LMAN1L: variants seen among roughly 807,000 people sequenced by gnomAD.
LMAN1L encodes lectin, mannose binding 1 like.
Under a neutral mutation model 58.3 loss-of-function variants are expected in LMAN1L, and 60 were observed. The observed-to-expected ratio is 1.03, with a 90% CI of 0.84 to 1.27. The LOEUF (loss-of-function observed/expected upper bound fraction) is 1.27, where lower values mean the gene tolerates loss of function less well. Among genes scored for constraint, LMAN1L ranks in the 50% most tolerant of loss-of-function variants. LMAN1L has a pLI of 0.00. For missense variants in LMAN1L, 629 were observed against 674.0 expected, an observed-to-expected ratio of 0.93 and a Z score of 0.74; for synonymous variants, 280 against 271.6, an observed-to-expected ratio of 1.03 and a Z score of -0.31.
Position 74,823,669 on chromosome 15 carries a change from T to C in LMAN1L, c.1310T>C (p.Leu437Pro). 6.2e-7 allele frequency: 1 copy of C among 1,613,486 alleles called. No individual in the cohort carries two copies. The highest frequency in any genetic ancestry group is 8.5e-7 in the Non-Finnish European group (1 of 1,179,800). ...ATCCTGGGCCTCCTGCAGGAGGAGC[T>C]TCGGGGCCCGGCGGTGAGGGGAAAG... The part of the protein sequence containing the change: ...DHILGLLQEE[L>P]RGPAKAAAKA... The change falls in exon 12 of 14, where the codon CTT becomes CCT. Residue 437 changes from leucine to proline, a missense_variant. Leu to Pro is a moderately conservative substitution (Grantham distance 98, BLOSUM62 -3). This residue lies in a region of LMAN1L where 573 missense variants were observed against 597.3 expected (regional missense o/e 0.96). Transcript: ENST00000309664.
chr15:74,816,827 TCA>T, intron 4 of LMAN1L, 137 bp downstream of exon 4: 2 of 814,644 alleles, frequency 2.5e-6, no homozygotes, highest in Non-Finnish European at 3.8e-6. Context: ...CTGGACTCTC[TCA>T]CTTAGCCGAC....
intron 12 of LMAN1L, 168 bp downstream of exon 12, chr15:74,823,850 T>C (rs1000868907): frequency 3.0e-6 from 2 of 676,944 alleles, no homozygotes; most frequent in Non-Finnish European, 4.9e-6. Flanking sequence ...TGTCCGTGCA[T>C]ACGTGCCACC....
intron 10 of LMAN1L, 118 bp from the exon 11 acceptor site, chr15:74,822,524 G>T (rs139664978): frequency 3.2e-4 from 234 of 732,716 alleles, no homozygotes; most frequent in African/African-American, 3.1e-3. Context: ...AAATAAGGAG[G>T]CCCTGGTAAT....
chr15:74,816,592 G>T (rs751919690), intron 3 of LMAN1L, 40 bp from the exon 4 acceptor site: 2 of 1,600,586 alleles, frequency 1.2e-6, no homozygotes, highest in African/African-American at 1.3e-5. Context: ...TCCCCCTCCC[G>T]CCATGTCCGC....
At chr15:74,822,269 GGC>G (rs1241870726) in intron 10 of LMAN1L, among the ~76,000 whole-genome samples, 89 of 152,298 alleles carry the variant, frequency 5.8e-4, no homozygotes, top group African/African-American at 2.1e-3. Context: ...GGGAGGCTGA[GGC>G]AGAAGAATCG....
At chr15:74,816,344 G>C (rs1174858184) in intron 2 of LMAN1L, 33 bp downstream of exon 2, 1 of 1,607,866 alleles carries the variant, frequency 6.2e-7, no homozygotes, top group Non-Finnish European at 8.5e-7. Flanking sequence ...GACAGAGCGG[G>C]GTGGGTCAGG....
At position 74,824,710 on chromosome 15, in the gene LMAN1L, G is replaced by T. The variant is rs142947393; in HGVS notation, c.1451+232G>T. ...GCTCTCACGGAGCTCACTCACACAG[G>T]TCTAACTGACCCTGTGTCGTCAATG... is the stretch of plus-strand genomic sequence containing the variant. On this transcript the variant is annotated intron_variant, in intron 13 of 13. Transcript: ENST00000309664. 147 of 486,880 alleles carry T rather than the reference G, an allele frequency of 3.0e-4. 3 individuals carry two copies. The highest frequency in any genetic ancestry group is 3.1e-4 in the Non-Finnish European group (86 of 274,400). The allele number at this position is 486,880 out of a possible 1,614,324, so 30.2% of individuals were successfully genotyped here. A position where few individuals can be genotyped will look rare whatever the true frequency, so the allele number is the denominator to read the frequency against.
Position 74,820,626 on chromosome 15 carries a change from C to T in LMAN1L, c.775-9C>T. The stretch of plus-strand genomic sequence containing the variant: ...GTTTGGGGCCCGACTTTCTGTCTTC[C>T]TCCCCTAGGTTCCCCCTCAGCCCTT... On this transcript the variant is annotated splice_polypyrimidine_tract_variant and intron_variant, in intron 7 of 13. Coordinates refer to ENST00000309664, the MANE Select transcript of LMAN1L (RefSeq NM_021819.3). The T allele has an allele frequency of 1.9e-6, 3 of 1,613,536 alleles. No homozygotes were observed. Among genetic ancestry groups the T allele is most frequent in the Non-Finnish European group, 2.5e-6 (3 of 1,179,984 alleles).
In LMAN1L at chr15:74,816,538, CGTA is replaced by C; in HGVS notation, c.438+7_438+9del. On this transcript the variant is annotated splice_donor_5th_base_variant and intron_variant, in intron 3 of 13. Coordinates refer to ENST00000309664, the MANE Select transcript of LMAN1L (RefSeq NM_021819.3). ...CTCTCCGGCAGAGGATACTCAGGTG[CGTA>C]GTGGTCTCCTGCCTGCCAGCCCGCC... 1 of 1,569,492 alleles carries C rather than the reference CGTA, an allele frequency of 6.4e-7. No individual in the cohort carries two copies. The highest frequency in any genetic ancestry group is 8.7e-7 in the Non-Finnish European group (1 of 1,155,342).
At chr15:74,821,925 G>C in intron 10 of LMAN1L, 25 bp downstream of exon 10, 1 of 1,511,832 alleles carries the variant, frequency 6.6e-7, no homozygotes, top group Non-Finnish European at 9.2e-7. Flanking sequence ...ACTGGGTGTT[G>C]ACCAGCACTG....
intron 13 of LMAN1L, 188 bp from the exon 14 acceptor site, chr15:74,825,288 G>A: frequency 3.3e-6 from 2 of 614,878 alleles, no homozygotes; most frequent in South Asian, 2.1e-5. Context: ...GGAGCCACTA[G>A]GACAGACCTT....
At chr15:74,821,278 G>A (rs1157930612) in intron 9 of LMAN1L, 52 bp downstream of exon 9, 3 of 1,536,836 alleles carry the variant, frequency 2.0e-6, no homozygotes, top group African/African-American at 2.8e-5. Flanking sequence ...TGAAAGAGGA[G>A]CAAGCACTGT....
intron 11 of LMAN1L, 104 bp from the exon 12 acceptor site, chr15:74,823,455 C>A: frequency 2.3e-6 from 3 of 1,303,170 alleles, no homozygotes; most frequent in Non-Finnish European, 3.2e-6. Flanking sequence ...GGTACCTGTT[C>A]CCCATCCATG....
intron 11 of LMAN1L, among the ~76,000 whole-genome samples, chr15:74,823,271 A>G (rs2063925222): frequency 6.6e-6 from 1 of 152,120 alleles, no homozygotes; most frequent in Admixed American, 6.6e-5. Flanking sequence ...AGGCACCTAG[A>G]TGAGAAGAAG....
At chr15:74,817,302 A>G (rs2063896155) in intron 4 of LMAN1L, among the ~76,000 whole-genome samples, 1 of 152,016 alleles carries the variant, frequency 6.6e-6, no homozygotes, top group Admixed American at 6.5e-5. Context: ...AACCCTCATA[A>G]CATTGTTATG....
intron 4 of LMAN1L, among the ~76,000 whole-genome samples, chr15:74,817,294 C>T (rs2063896079): frequency 6.6e-6 from 1 of 152,076 alleles, no homozygotes; most frequent in Non-Finnish European, 1.5e-5. Context: ...TCTTAGTTAA[C>T]CCTCATAACA....
At chr15:74,820,004 G>T (rs572168657) in intron 6 of LMAN1L, 40 bp from the exon 7 acceptor site, 1 of 1,585,798 alleles carries the variant, frequency 6.3e-7, no homozygotes, top group African/African-American at 1.3e-5. Context: ...GGGTTGCTGG[G>T]TGGAGGGGTC....
intron 1 of LMAN1L, among the ~76,000 whole-genome samples, chr15:74,813,828 A>G (rs544148230): frequency 6.6e-6 from 1 of 152,202 alleles, no homozygotes; most frequent in East Asian, 1.9e-4. Context: ...ATTTCTGTCT[A>G]TAAAATGTGA....
At position 74,825,638 on chromosome 15, in the gene LMAN1L, A is replaced by C. The variant is rs2063938745; in HGVS notation, c.*33A>C. On this transcript the variant is annotated 3_prime_UTR_variant, in exon 14 of 14. Coordinates refer to ENST00000309664, the MANE Select transcript of LMAN1L (RefSeq NM_021819.3). ...CAGAGCCTGCTTTGCATCACTGGGA[A>C]GCAGGCAGTGTCTTGGGTGGGGGCT... 2.5e-6 allele frequency: 4 copies of C among 1,593,368 alleles called. No homozygotes were observed. Among genetic ancestry groups the C allele is most frequent in the Non-Finnish European group, 3.4e-6 (4 of 1,166,634 alleles).
Sources: allele counts gnomAD v4.1 joint callset (sites outside exome capture counted in the v4.1 genomes callset), GRCh38; gene constraint gnomAD v4.1.1; regional missense constraint gnomAD v4.1.1; transcripts MANE v1.5; gene names NCBI Gene and HGNC (gene_info 2026-07-23, HGNC 2026-07-21).